Variants in SMAD6 observed in about 807,000 individuals in gnomAD.
SMAD6 encodes SMAD family member 6.
Under a neutral mutation model 39.4 loss-of-function variants are expected in SMAD6, and 103 were observed. The observed-to-expected ratio is 2.62, with a 90% confidence interval of 2.23 to 3.08. SMAD6 has a LOEUF of 3.08. Ranked by LOEUF, SMAD6 falls within the 30% of genes most tolerant of loss-of-function variation. The probability of loss-of-function intolerance (pLI) is 0.00; values close to 1 mark genes in which losing one functional copy is unlikely to be tolerated. For synonymous variants in SMAD6, 445 were observed against 353.3 expected (o/e 1.26, Z -2.91); for missense variants, 1,104 against 742.9 (o/e 1.49, Z -5.65).
Position 66,703,296 on chromosome 15 carries a change from T to C in SMAD6, c.38T>C (p.Leu13Pro). 1 of 1,490,970 alleles carries C rather than the reference T, an allele frequency of 6.7e-7. No individual in the cohort carries two copies. The highest frequency in any genetic ancestry group is 1.3e-5 in the South Asian group (1 of 78,342). 92.4% of individuals were successfully genotyped at this position (1,490,970 alleles called of 1,614,324 possible). Residue 13 changes from leucine (L) to proline (P), a missense_variant, in exon 1 of 4, where the codon CTT becomes CCT. Leu to Pro is a moderately conservative substitution (Grantham distance 98). Transcript: ENST00000288840. Reference protein sequence around the residue: ...RSKRSGLVRRLWRSRVVPDRE... With the variant: ...RSKRSGLVRRPWRSRVVPDRE... Reference sequence around the variant, plus strand: ...AAACGCTCGGGGCTGGTGCGGCGACTTTGGCGAAGTCGTGTGGTCCCCGAC... The same window carrying C: ...AAACGCTCGGGGCTGGTGCGGCGACCTTGGCGAAGTCGTGTGGTCCCCGAC...
In SMAD6 at chr15:66,703,729, G is replaced by C; in HGVS notation, c.471G>C (p.Arg157=). ...CCCTGGAGCCGGCGGGCGGCGGGCGGAGTCGCGAAGCGCGCTCGCGGCTGC... is the reference window on the plus strand; with the variant it reads ...CCCTGGAGCCGGCGGGCGGCGGGCGCAGTCGCGAAGCGCGCTCGCGGCTGC... The part of the protein sequence containing the change: ...GAALEPAGGG[R]SREARSRLLL... The change falls in exon 1 of 4, where the codon CGG becomes CGC. Residue 157 remains arginine (R), a synonymous_variant. Coordinates refer to ENST00000288840, the MANE Select transcript of SMAD6 (RefSeq NM_005585.5). 1.5e-6 allele frequency: 2 copies of C among 1,361,726 alleles called. No homozygotes were observed. The highest frequency in any genetic ancestry group is 1.9e-6 in the Non-Finnish European group (2 of 1,043,878). 84.4% of individuals were successfully genotyped at this position (1,361,726 alleles called of 1,614,324 possible). A position where few individuals can be genotyped will look rare whatever the true frequency, so the allele number is the denominator to read the frequency against.
intron 3 of SMAD6, among the ~76,000 whole-genome samples, chr15:66,762,548 G>T (rs1362388133): frequency 6.6e-6 from 1 of 152,080 alleles, no homozygotes; most frequent in Non-Finnish European, 1.5e-5. Context: ...TCGGGAGGGG[G>T]CACTTTGGGG....
chr15:66,748,160 G>A (rs947113355), intron 3 of SMAD6, among the ~76,000 whole-genome samples: 1 of 151,612 alleles, frequency 6.6e-6, no homozygotes, highest in Non-Finnish European at 1.5e-5. Context: ...TTGGCACCAA[G>A]CATGGCTTAA....
intron 3 of SMAD6, among the ~76,000 whole-genome samples, chr15:66,755,752 C>T (rs1894086363): frequency 6.6e-6 from 1 of 152,246 alleles, no homozygotes; most frequent in African/African-American, 2.4e-5. Flanking sequence ...CTCTCCACTG[C>T]TCTGCTGGTA....
intron 3 of SMAD6, among the ~76,000 whole-genome samples, chr15:66,751,103 T>C (rs975817894): frequency 4.6e-5 from 7 of 152,150 alleles, no homozygotes; most frequent in Admixed American, 6.5e-5. Context: ...GGAGAACAAA[T>C]ACTGAGAACG....
At chr15:66,749,297 A>G (rs1387415882) in intron 3 of SMAD6, among the ~76,000 whole-genome samples, 1 of 152,138 alleles carries the variant, frequency 6.6e-6, no homozygotes, top group African/African-American at 2.4e-5. Context: ...GTCTCTACTA[A>G]AAATACAAAA....
rs1016606413 is a variant in SMAD6 at position 66,782,494 on chromosome 15, C to T, written c.*959C>T. 1 of 152,186 alleles carries T rather than the reference C, an allele frequency of 6.6e-6. No homozygotes were observed. Among genetic ancestry groups the T allele is most frequent in the African/African-American group, 2.4e-5 (1 of 41,442 alleles). The allele number at this position is 152,186 out of a possible 1,614,324, so 9.4% of individuals were successfully genotyped here. A position where few individuals can be genotyped will look rare whatever the true frequency, so the allele number is the denominator to read the frequency against. On this transcript the variant is annotated 3_prime_UTR_variant, in exon 4 of 4. Transcript: ENST00000288840. ...ACCTCCACAGGCTATTTCCCACCCC[C>T]CAGCCAAAAATAGCTCAGAATCTGC... is the stretch of plus-strand genomic sequence containing the variant.
intron 3 of SMAD6, among the ~76,000 whole-genome samples, chr15:66,761,298 A>G (rs1433084311): frequency 6.6e-6 from 1 of 152,098 alleles, no homozygotes; most frequent in Non-Finnish European, 1.5e-5. Flanking sequence ...GTGTGCAGAG[A>G]CTTTCTGGAA....
intron 3 of SMAD6, among the ~76,000 whole-genome samples, chr15:66,749,076 C>T (rs1893955093): frequency 6.6e-6 from 1 of 152,150 alleles, no homozygotes; most frequent in Non-Finnish European, 1.5e-5. Flanking sequence ...GTAATCTCAG[C>T]ACTTTGGGGA....
chr15:66,734,367 C>G (rs186684898), intron 3 of SMAD6, among the ~76,000 whole-genome samples: 10 of 152,292 alleles, frequency 6.6e-5, no homozygotes, highest in Admixed American at 3.3e-4. Flanking sequence ...TTCGCCCTGC[C>G]TCTGGGAGAG....
Position 66,716,445 on chromosome 15 carries a change from A to C in SMAD6, c.899A>C (p.Tyr300Ser). The C allele has an allele frequency of 6.2e-7, 1 of 1,613,918 alleles. No homozygotes were observed. The highest frequency in any genetic ancestry group is 8.5e-7 in the Non-Finnish European group (1 of 1,179,740). The change falls in exon 3 of 4, where the codon TAC becomes TCC. Residue 300 changes from tyrosine (Y) to serine (S), a missense_variant. Coordinates refer to ENST00000288840, the MANE Select transcript of SMAD6 (RefSeq NM_005585.5). ...GATCTGTCCGATTCCACATTGTCTTACACTGAAACGGAGGCTACCAACTCC... is the reference window on the plus strand; with the variant it reads ...GATCTGTCCGATTCCACATTGTCTTCCACTGAAACGGAGGCTACCAACTCC... ...PLDLSDSTLS[Y>S]TETEATNSLI... is the part of the protein sequence containing the mutation.
intron 2 of SMAD6, among the ~76,000 whole-genome samples, chr15:66,713,526 G>C (rs955357029): frequency 1.3e-5 from 2 of 152,154 alleles, no homozygotes; most frequent in African/African-American, 4.8e-5. Flanking sequence ...TACCATATTG[G>C]CCAGGCTGGT....
At chr15:66,753,432 C>T (rs1894042356) in intron 3 of SMAD6, among the ~76,000 whole-genome samples, 1 of 152,242 alleles carries the variant, frequency 6.6e-6, no homozygotes, top group Non-Finnish European at 1.5e-5. Flanking sequence ...AGCACTGCTG[C>T]TCTAGGCACC....
intron 1 of SMAD6, among the ~76,000 whole-genome samples, chr15:66,710,041 A>G (rs1052403660): frequency 6.6e-6 from 1 of 152,220 alleles, no homozygotes; most frequent in African/African-American, 2.4e-5. Flanking sequence ...GAAGGGGTGT[A>G]AGACAGGGCA....
At chr15:66,775,274 C>G (rs939553439) in intron 3 of SMAD6, among the ~76,000 whole-genome samples, 1 of 152,148 alleles carries the variant, frequency 6.6e-6, no homozygotes, top group Non-Finnish European at 1.5e-5. Context: ...GGATGCCCTT[C>G]AGATTCATGC....
At chr15:66,716,884 A>G in intron 3 of SMAD6, 1 of 845,338 alleles carries the variant, frequency 1.2e-6, no homozygotes, top group Non-Finnish European at 1.7e-6. Context: ...TCCTCACTCC[A>G]GGGGAGGGAC....
At chr15:66,745,291 G>A (rs1413224092) in intron 3 of SMAD6, among the ~76,000 whole-genome samples, 1 of 152,062 alleles carries the variant, frequency 6.6e-6, no homozygotes, top group Non-Finnish European at 1.5e-5. Flanking sequence ...TAGGCCCTGA[G>A]CCCCCTACCC....
chr15:66,716,595 T>G, intron 3 of SMAD6, 97 bp downstream of exon 3: 1 of 880,984 alleles, frequency 1.1e-6, no homozygotes, highest in Non-Finnish European at 1.9e-6. Flanking sequence ...ACTTCCCCTC[T>G]TCTTTTTGTT....
intron 3 of SMAD6, among the ~76,000 whole-genome samples, chr15:66,776,417 G>C (rs1025340130): frequency 6.6e-6 from 1 of 152,188 alleles, no homozygotes; most frequent in African/African-American, 2.4e-5. Flanking sequence ...CTTAATTATT[G>C]AATCAGTCCT....
Sources: allele counts gnomAD v4.1 joint callset (sites outside exome capture counted in the v4.1 genomes callset), GRCh38; gene constraint gnomAD v4.1.1; transcripts MANE v1.5; gene names NCBI Gene and HGNC (gene_info 2026-07-23, HGNC 2026-07-21).